Variants in LOXL2 observed in about 807,000 individuals in gnomAD.
The protein encoded by LOXL2 is lysyl oxidase like 2, also known as lysyl oxidase homolog 2.
In LOXL2, 70 loss-of-function variants were observed where a neutral mutation model predicts 93.0. That is an observed-to-expected ratio of 0.75 (90% CI 0.62 to 0.92). The LOEUF is 0.92. Ranked by LOEUF, LOXL2 falls within the 40% of genes least tolerant of loss-of-function variation. The probability of loss-of-function intolerance (pLI) is 0.00; values close to 1 mark genes in which losing one functional copy is unlikely to be tolerated. For missense variants in LOXL2, 973 were observed against 1,054.9 expected, an observed-to-expected ratio of 0.92 and a Z score of 1.08; for synonymous variants, 438 against 413.2, an observed-to-expected ratio of 1.06 and a Z score of -0.73.
At chr8:23,308,990 A>ATAT (rs1413116819) in intron 10 of LOXL2, among the ~76,000 whole-genome samples, 4 of 136,730 alleles carry the variant, frequency 2.9e-5, no homozygotes, top group East Asian at 2.1e-4. Flanking sequence ...ATATATATAT[A>ATAT]TTTTTTTTTT....
intron 2 of LOXL2, chr8:23,364,437 AATAT>A (rs747531399): frequency 6.6e-6 from 1 of 152,116 alleles, no homozygotes; most frequent in Non-Finnish European, 1.5e-5. Context: ...AGAAGAGATA[AATAT>A]ATATATACAA....
chr8:23,355,063 C>T (rs1445245494), intron 3 of LOXL2, among the ~76,000 whole-genome samples: 1 of 148,384 alleles, frequency 6.7e-6, no homozygotes, highest in Non-Finnish European at 1.5e-5. Context: ...GGTTCAACCT[C>T]AACCTCCCAA....
intron 6 of LOXL2, among the ~76,000 whole-genome samples, chr8:23,326,256 C>T (rs1803575887): frequency 6.6e-6 from 1 of 152,222 alleles, no homozygotes; most frequent in Non-Finnish European, 1.5e-5. Flanking sequence ...CCTCTTTCTC[C>T]CAGAGTTCTG....
intron 5 of LOXL2, among the ~76,000 whole-genome samples, chr8:23,332,379 TAC>T (rs1166082545): frequency 8.0e-5 from 6 of 75,216 alleles, no homozygotes; most frequent in East Asian, 5.4e-4. Flanking sequence ...ACACCCCACA[TAC>T]ACACTCATAC....
In LOXL2 at chr8:23,316,742, C is replaced by T. The variant is rs572056512; in HGVS notation, c.1636+207G>A. The stretch of plus-strand genomic sequence containing the variant: ...GCTACAGACTGCAGCCCCTCCCTCC[C>T]GCTTTTCTCCCCACTACATCATAGA... On this transcript the variant is annotated intron_variant, in intron 9 of 13. Transcript: ENST00000389131. The T allele has an allele frequency of 3.7e-4, 204 of 547,984 alleles. 1 individual carries two copies. In the East Asian group the frequency reaches 5.5e-3, roughly 15 times the overall value. 33.9% of individuals were successfully genotyped at this position (547,984 alleles called of 1,614,324 possible).
Position 23,360,195 on chromosome 8 carries a change from G to C in LOXL2, c.426C>G (p.Gly142=). 1 of 1,614,096 alleles carries C rather than the reference G, an allele frequency of 6.2e-7. No homozygotes were observed. Residue 142 remains glycine (G), a synonymous_variant, in exon 3 of 14, where the codon GGC becomes GGG. Coordinates refer to ENST00000389131, the MANE Select transcript of LOXL2 (RefSeq NM_002318.3). Reference sequence around the variant, plus strand: ...TGTGCTTGCAGTCAGTGACGCCCCAGCCATTGGAGGTGCATGCTGCAAGGG... The same window carrying C: ...TGTGCTTGCAGTCAGTGACGCCCCACCCATTGGAGGTGCATGCTGCAAGGG... ...EATLAACTSN[G]WGVTDCKHTE...
intron 12 of LOXL2, among the ~76,000 whole-genome samples, chr8:23,300,223 G>A (rs1283742690): frequency 2.0e-5 from 3 of 152,222 alleles, no homozygotes; most frequent in African/African-American, 7.2e-5. Context: ...TGTTACGTGT[G>A]GGGTGGAGGC....
chr8:23,328,632 C>G (rs779867593), intron 5 of LOXL2, 67 bp from the exon 6 acceptor site: 1 of 1,492,434 alleles, frequency 6.7e-7, no homozygotes. Context: ...CCACTGTCCC[C>G]GCCCCCTCCC....
At chr8:23,338,112 G>A (rs1219960242) in intron 4 of LOXL2, among the ~76,000 whole-genome samples, 2 of 152,150 alleles carry the variant, frequency 1.3e-5, no homozygotes, top group Non-Finnish European at 2.9e-5. Context: ...CGTGTGCAGG[G>A]GAACTGGCCT....
At chr8:23,342,321 C>A (rs573709647) in intron 3 of LOXL2, among the ~76,000 whole-genome samples, 211 of 152,278 alleles carry the variant, frequency 1.4e-3, no homozygotes, top group Middle Eastern at 0.01. Flanking sequence ...AAGCTCCCCC[C>A]TAAATCACTC....
chr8:23,367,965 C>T (rs774195276), intron 2 of LOXL2, 32 bp downstream of exon 2: 1 of 1,569,048 alleles, frequency 6.4e-7, no homozygotes, highest in Admixed American at 1.7e-5. Context: ...TGCCAGGTGA[C>T]AGCACTCAGA....
chr8:23,346,168 TA>T lies in LOXL2; in HGVS notation c.532-4966del, dbSNP rs1410334274. Among the ~76,000 whole-genome samples, 5 of 126,490 alleles carry T rather than the reference TA, an allele frequency of 4.0e-5. No homozygotes were observed. In the East Asian group the frequency reaches 1.1e-3, roughly 28 times the overall value. 83.0% of individuals were successfully genotyped at this position (126,490 alleles called of 152,430 possible). Reference sequence around the variant, plus strand: ...AAATAAAATAAAATAAAAAATAAAATAAAATAAATAAAATAATAAAATAAAA... The same window carrying T: ...AAATAAAATAAAATAAAAAATAAAATAAATAAATAAAATAATAAAATAAAA... On this transcript the variant is annotated intron_variant, in intron 3 of 13. Transcript: ENST00000389131.
chr8:23,389,296 G>C (rs772091641), intron 1 of LOXL2, among the ~76,000 whole-genome samples: 17 of 152,248 alleles, frequency 1.1e-4, no homozygotes, highest in Admixed American at 2.0e-4. Flanking sequence ...AAACTCTCCA[G>C]TATCAAGATT....
intron 6 of LOXL2, among the ~76,000 whole-genome samples, chr8:23,327,990 C>T (rs1803608726): frequency 6.6e-6 from 1 of 152,110 alleles, no homozygotes; most frequent in Non-Finnish European, 1.5e-5. Flanking sequence ...TTTTGTTGTA[C>T]AGAGTGGTTC....
chr8:23,341,329 C>A (rs1803880375), intron 3 of LOXL2, 126 bp from the exon 4 acceptor site: 3 of 768,604 alleles, frequency 3.9e-6, no homozygotes, highest in Non-Finnish European at 6.7e-6. Context: ...TGCCCTCAGG[C>A]CCTGCAGTGA....
chr8:23,391,728 T>A (rs1421612370), intron 1 of LOXL2, among the ~76,000 whole-genome samples: 1 of 152,140 alleles, frequency 6.6e-6, no homozygotes, highest in African/African-American at 2.4e-5. Flanking sequence ...CCAGGGATTA[T>A]AGGGATGGGG....
intron 11 of LOXL2, among the ~76,000 whole-genome samples, chr8:23,302,634 G>T (rs894632549): frequency 9.2e-5 from 14 of 152,232 alleles, no homozygotes; most frequent in African/African-American, 3.4e-4. Flanking sequence ...TTCACGGCAA[G>T]TCAGTGGCGG....
rs562242859 is a variant in LOXL2 at position 23,388,399 on chromosome 8, G to A, written c.-84+15555C>T. Among the ~76,000 whole-genome samples the A allele has an allele frequency of 2.6e-5, 4 of 152,158 alleles. No homozygotes were observed. The South Asian group carries it at 6.2e-4, about 24-fold the overall frequency. ...TTGAGACCAGCTTGAGCAACATAGGGAGATCCTGTCTCTACAAAAAAATTT... is the reference window on the plus strand; with the variant it reads ...TTGAGACCAGCTTGAGCAACATAGGAAGATCCTGTCTCTACAAAAAAATTT... On this transcript the variant is annotated intron_variant, in intron 1 of 13. Transcript: ENST00000389131.
chr8:23,303,241 G>A (rs749943361), intron 11 of LOXL2, 41 bp downstream of exon 11: 2 of 1,249,722 alleles, frequency 1.6e-6, no homozygotes, highest in Non-Finnish European at 2.4e-6. Context: ...AGGCATTCGA[G>A]TCCCTCTGAG....
Sources: gnomAD v4.1 joint callset for allele counts (sites outside exome capture counted in the v4.1 genomes callset) on GRCh38, gnomAD v4.1.1 for gene constraint, MANE v1.5 for transcripts, NCBI Gene and HGNC (gene_info 2026-07-23, HGNC 2026-07-21) for gene names.